The following PRMT5 variants were observed in gnomAD, a reference collection of about 807,000 sequenced individuals.
The protein encoded by PRMT5 is protein arginine methyltransferase 5.
In PRMT5, 15 loss-of-function variants were observed where a neutral mutation model predicts 84.0. The ratio of observed to expected loss-of-function variants is 0.18; its 90% CI spans 0.12 to 0.28. The LOEUF is 0.28. Among genes scored for constraint, PRMT5 ranks in the 10% least tolerant of loss-of-function variants. PRMT5 has a pLI of 1.00. For missense variants in PRMT5, 486 were observed against 808.0 expected (o/e 0.60, Z 4.83); for synonymous variants, 276 against 292.4 (o/e 0.94, Z 0.57).
intron 4 of PRMT5, among the ~76,000 whole-genome samples, chr14:22,927,319 A>T (rs2044444729): frequency 6.6e-6 from 1 of 151,824 alleles, no homozygotes; most frequent in Non-Finnish European, 1.5e-5. Flanking sequence ...CACGCTGCCC[A>T]AGCTGGTCTC....
intron 15 of PRMT5, 53 bp downstream of exon 15, chr14:22,922,390 C>T: frequency 6.8e-7 from 1 of 1,480,962 alleles, no homozygotes; most frequent in Non-Finnish European, 9.4e-7. Context: ...TACATATAAG[C>T]TGCCCAGGAA....
At chr14:22,927,784 T>G in intron 3 of PRMT5, 124 bp from the exon 4 acceptor site, 1 of 1,223,028 alleles carries the variant, frequency 8.2e-7, no homozygotes, top group South Asian at 1.5e-5. Flanking sequence ...CTCCACTCAC[T>G]GCAGCCTTGA....
Position 22,926,516 on chromosome 14 carries a change from C to A in PRMT5, c.603G>T (p.Arg201Ser). The change falls in exon 6 of 17, where the codon AGG (arginine) becomes AGT (serine). Residue 201 changes from arginine (R) to serine (S), a missense_variant. Transcript: ENST00000324366. ...NFRTLCDYSK[R>S]IAVALEIGAD... ...TTCTCATGGACTCACCCACTGCAAT[C>A]CTCTTACTATAGTCACACAAAGTCC... 1 of 1,614,178 alleles carries A rather than the reference C, an allele frequency of 6.2e-7. No homozygotes were observed. The highest frequency in any genetic ancestry group is 1.7e-5 in the Admixed American group (1 of 60,008).
chr14:22,928,295 G>C lies in PRMT5; in HGVS notation c.230-84C>G. 1.4e-6 allele frequency: 2 copies of C among 1,458,420 alleles called. No homozygotes were observed. Among genetic ancestry groups the C allele is most frequent in the South Asian group, 2.3e-5 (2 of 86,520 alleles). The allele number at this position is 1,458,420 out of a possible 1,614,324, so 90.3% of individuals were successfully genotyped here. Reference sequence around the variant, plus strand: ...CAATTTTTAGTTTTGGGAATCAAGAGTAGAAATGAGAGACAAAGGTTTTTT... The same window carrying C: ...CAATTTTTAGTTTTGGGAATCAAGACTAGAAATGAGAGACAAAGGTTTTTT... On this transcript the variant is annotated intron_variant, in intron 2 of 16. Coordinates refer to ENST00000324366, the MANE Select transcript of PRMT5 (RefSeq NM_006109.5). This position sits in a 1 kb window ranked among gnomAD's most constrained non-coding sequence, Gnocchi z 4.8.
chr14:22,927,761 G>A, intron 3 of PRMT5, 101 bp from the exon 4 acceptor site: 1 of 1,386,282 alleles, frequency 7.2e-7, no homozygotes, highest in Non-Finnish European at 9.7e-7. Flanking sequence ...AGGCTGGAGT[G>A]CAGTGGCACA....
In PRMT5 at chr14:22,922,446, G is replaced by T; in HGVS notation, c.1693C>A (p.Leu565Met). 1 of 1,607,378 alleles carries T rather than the reference G, an allele frequency of 6.2e-7. No individual in the cohort carries two copies. The highest frequency in any genetic ancestry group is 8.5e-7 in the Non-Finnish European group (1 of 1,173,834). The change falls in exon 15 of 17, where the codon CTG (leucine) becomes ATG (methionine). Residue 565 changes from leucine (L) to methionine (M), a missense_variant. Physicochemically the swap from Leu to Met is conservative, Grantham distance 15 (BLOSUM62 2). Transcript: ENST00000324366. ...FETVLYQDIT[L>M]SIRPETHSPG... ...ATCTACTGCCATAGACACTCACTCA[G>T]AGTGATGTCCTGATAAAGCACAGTC...
chr14:22,927,622 A>T lies in PRMT5; in HGVS notation c.354T>A (p.Gly118=). The change falls in exon 4 of 17, where the codon GGT becomes GGA. Residue 118 remains glycine, a synonymous_variant. Transcript: ENST00000324366. ...TAAGGGGCAGCAGGAAAGCTGGAAGACCCAAATATGCACCAAAATTCAGCT... is the reference window on the plus strand; with the variant it reads ...TAAGGGGCAGCAGGAAAGCTGGAAGTCCCAAATATGCACCAAAATTCAGCT... ...LQELNFGAYL[G]LPAFLLPLNQ... The T allele has an allele frequency of 6.2e-7, 1 of 1,613,836 alleles. No individual in the cohort carries two copies. The highest frequency in any genetic ancestry group is 1.1e-5 in the South Asian group (1 of 91,076).
At chr14:22,927,006 G>T in intron 4 of PRMT5, 192 bp from the exon 5 acceptor site, 4 of 552,862 alleles carry the variant, frequency 7.2e-6, no homozygotes, top group Non-Finnish European at 9.6e-6. Context: ...TCTTACGTAA[G>T]TTTCCAAAAT....
At position 22,928,961 on chromosome 14, in the gene PRMT5, C is replaced by T. The variant is rs901135024; in HGVS notation, c.110+291G>A. The T allele has an allele frequency of 1.5e-6, 1 of 651,166 alleles. No homozygotes were observed. The highest frequency in any genetic ancestry group is 2.6e-6 in the Non-Finnish European group (1 of 382,238). 40.3% of individuals were successfully genotyped at this position (651,166 alleles called of 1,614,324 possible). A position where few individuals can be genotyped will look rare whatever the true frequency, so the allele number is the denominator to read the frequency against. Reference sequence around the variant, plus strand: ...CCCGTCAAAATTAGCCTCTTCTCTCCCTTGCCCCCTAACACCTCCTCCCAC... The same window carrying T: ...CCCGTCAAAATTAGCCTCTTCTCTCTCTTGCCCCCTAACACCTCCTCCCAC... On this transcript the variant is annotated intron_variant, in intron 1 of 16. Coordinates refer to ENST00000324366, the MANE Select transcript of PRMT5 (RefSeq NM_006109.5). This position sits in a 1 kb window ranked among gnomAD's most constrained non-coding sequence, Gnocchi z 4.8.
Position 22,924,269 on chromosome 14 carries a change from C to T in PRMT5, c.1199+1G>A, listed in dbSNP as rs1390371612. 1.9e-6 allele frequency: 3 copies of T among 1,614,028 alleles called. No homozygotes were observed. Among genetic ancestry groups the T allele is most frequent in the Non-Finnish European group, 1.7e-6 (2 of 1,179,954 alleles). On this transcript the variant is annotated splice_donor_variant, in intron 11 of 16. Transcript: ENST00000324366. LOFTEE classifies it high-confidence loss of function. This position sits in a 1 kb window ranked among gnomAD's most constrained non-coding sequence, Gnocchi z 6.5. The stretch of plus-strand genomic sequence containing the variant: ...TTCCCAGCAAGCAGGTTGCTACTCA[C>T]GTCACCACGGCATTTGGGTTTTTCT...
chr14:22,925,141 C>A, intron 7 of PRMT5, 101 bp from the exon 8 acceptor site: 24 of 1,141,240 alleles, frequency 2.1e-5, no homozygotes, highest in Non-Finnish European at 2.9e-5. Flanking sequence ...AGGCCCAGAT[C>A]AACAGTTCTC....
In PRMT5 at chr14:22,928,464, T is replaced by C; in HGVS notation, c.229+33A>G. 6.5e-7 allele frequency: 1 copy of C among 1,526,856 alleles called. No individual in the cohort carries two copies. Among genetic ancestry groups the C allele is most frequent in the Non-Finnish European group, 9.1e-7 (1 of 1,101,034 alleles). The allele number at this position is 1,526,856 out of a possible 1,614,324, so 94.6% of individuals were successfully genotyped here. A position where few individuals can be genotyped will look rare whatever the true frequency, so the allele number is the denominator to read the frequency against. Reference sequence around the variant, plus strand: ...ATAAAGCAGAAGTTGTTATTGCCTCTAATAATTAAGGGGCATATGGGATGG... The same window carrying C: ...ATAAAGCAGAAGTTGTTATTGCCTCCAATAATTAAGGGGCATATGGGATGG... On this transcript the variant is annotated intron_variant, in intron 2 of 16. Coordinates refer to ENST00000324366, the MANE Select transcript of PRMT5 (RefSeq NM_006109.5). This position sits in a 1 kb window ranked among gnomAD's most constrained non-coding sequence, Gnocchi z 4.8.
In PRMT5 at chr14:22,928,955, TCTC is replaced by T. The variant is rs1740115142; in HGVS notation, c.110+294_110+296del. On this transcript the variant is annotated intron_variant, in intron 1 of 16. Coordinates refer to ENST00000324366, the MANE Select transcript of PRMT5 (RefSeq NM_006109.5). This position sits in a 1 kb window ranked among gnomAD's most constrained non-coding sequence, Gnocchi z 4.8. ...GCCTCCCCCGTCAAAATTAGCCTCT[TCTC>T]TCCCTTGCCCCCTAACACCTCCTCC... 3.1e-6 allele frequency: 2 copies of T among 635,870 alleles called. No homozygotes were observed. Among genetic ancestry groups the T allele is most frequent in the Non-Finnish European group, 5.4e-6 (2 of 370,480 alleles). 39.4% of individuals were successfully genotyped at this position (635,870 alleles called of 1,614,324 possible). A position where few individuals can be genotyped will look rare whatever the true frequency, so the allele number is the denominator to read the frequency against.
chr14:22,921,744 G>A (rs906133359), intron 16 of PRMT5, among the ~76,000 whole-genome samples: 3 of 152,056 alleles, frequency 2.0e-5, no homozygotes, highest in South Asian at 2.1e-4. Flanking sequence ...TTAGCCGGGT[G>A]TGGTGGCTGG....
At position 22,920,819 on chromosome 14, in the gene PRMT5, C is replaced by T. The variant is rs1468104420; in HGVS notation, c.*85G>A. On this transcript the variant is annotated 3_prime_UTR_variant, in exon 17 of 17. Coordinates refer to ENST00000324366, the MANE Select transcript of PRMT5 (RefSeq NM_006109.5). Reference sequence around the variant, plus strand: ...CCTCTCTGATGGGCAAGGGGAATCACAGCCCATAGATGTACTGCACCTTCT... The same window carrying T: ...CCTCTCTGATGGGCAAGGGGAATCATAGCCCATAGATGTACTGCACCTTCT... 12 of 1,559,838 alleles carry T rather than the reference C, an allele frequency of 7.7e-6. No homozygotes were observed. The highest frequency in any genetic ancestry group is 1.4e-5 in the African/African-American group (1 of 73,714).
rs992047095 is a variant in PRMT5 at position 22,926,740 on chromosome 14, G to A, written c.525C>T (p.His175=). Residue 175 remains histidine (H), a synonymous_variant, in exon 5 of 17, where the codon CAC becomes CAT. Coordinates refer to ENST00000324366, the MANE Select transcript of PRMT5 (RefSeq NM_006109.5). ...DDIIENAPTT[H]TEEYSGEEKT... is the part of the protein sequence containing the mutation. ...TCTCCTCCCCACTGTACTCCTCTGT[G>A]TGTGTAGTTGGTGCATTCTCAATTA... The A allele has an allele frequency of 1.2e-6, 2 of 1,614,134 alleles. No homozygotes were observed. Among genetic ancestry groups the A allele is most frequent in the Non-Finnish European group, 8.5e-7 (1 of 1,180,012 alleles).
intron 4 of PRMT5, 45 bp downstream of exon 4, chr14:22,927,481 C>A (rs1442380432): frequency 6.2e-7 from 1 of 1,610,664 alleles, no homozygotes; most frequent in Non-Finnish European, 8.5e-7. Context: ...TTAGCACAAT[C>A]TGACTACTAT....
intron 4 of PRMT5, among the ~76,000 whole-genome samples, chr14:22,927,073 G>A (rs992212096): frequency 2.0e-5 from 3 of 150,154 alleles, no homozygotes; most frequent in African/African-American, 2.5e-5. Context: ...GGAGAGGTGC[G>A]CAATACTGAC....
In PRMT5 at chr14:22,929,162, C is replaced by T. The variant is rs1465930418; in HGVS notation, c.110+90G>A. 4 of 1,614,008 alleles carry T rather than the reference C, an allele frequency of 2.5e-6. No homozygotes were observed. The Admixed American group carries it at 6.7e-5, about 27-fold the overall frequency. On this transcript the variant is annotated intron_variant, in intron 1 of 16. Transcript: ENST00000324366. ...TCCCCTCCTCATCCTAGCCGACCCC[C>T]TCACCCCTGCTTCTCCGGGATGACT... is the stretch of plus-strand genomic sequence containing the variant.
Sources: gnomAD v4.1 joint callset for allele counts (sites outside exome capture counted in the v4.1 genomes callset) on GRCh38, gnomAD v4.1.1 for gene constraint, Gnocchi (gnomAD v3.1) non-coding constraint, MANE v1.5 for transcripts, NCBI Gene and HGNC (gene_info 2026-07-23, HGNC 2026-07-21) for gene names.